Variants in HMCN2 observed in about 807,000 individuals in gnomAD.
HMCN2 encodes the protein hemicentin 2.
Under a neutral mutation model 377.5 loss-of-function variants are expected in HMCN2, and 325 were observed. The observed-to-expected ratio is 0.86, with a 90% CI of 0.79 to 0.94. The LOEUF is 0.94. HMCN2 is among the 40% of genes least tolerant of loss of function. HMCN2 has a pLI of 0.00. For synonymous variants in HMCN2, 2,007 were observed against 2,046.8 expected (o/e 0.98, Z 0.53); for missense variants, 4,543 against 4,725.3 (o/e 0.96, Z 1.13).
At chr9:130,333,034 G>T (rs1419140178) in intron 22 of HMCN2, among the ~76,000 whole-genome samples, 1 of 152,194 alleles carries the variant, frequency 6.6e-6, no homozygotes, top group African/African-American at 2.4e-5. Context: ...TGGGGGGAGG[G>T]AGGGAGAGCA....
intron 37 of HMCN2, 126 bp downstream of exon 37, chr9:130,359,540 G>GT: frequency 2.6e-6 from 1 of 378,116 alleles, no homozygotes; most frequent in Non-Finnish European, 5.2e-6. Context: ...TTTCCCCCCC[G>GT]TTTCTCTCAT....
chr9:130,351,723 TC>T lies in HMCN2; in HGVS notation c.4585+147del. 3.7e-6 allele frequency: 2 copies of T among 535,990 alleles called. No individual in the cohort carries two copies. Among genetic ancestry groups the T allele is most frequent in the Non-Finnish European group, 5.6e-6 (2 of 354,952 alleles). The allele number at this position is 535,990 out of a possible 1,614,324, so 33.2% of individuals were successfully genotyped here. Reference sequence around the variant, plus strand: ...AGTCCAAGAAAGCTGGGGGCTGGGGTCGGGGTTGGGGTCAGGGTCAGGGGAT... The same window carrying T: ...AGTCCAAGAAAGCTGGGGGCTGGGGTGGGGTTGGGGTCAGGGTCAGGGGAT... On this transcript the variant is annotated intron_variant, in intron 30 of 97. Transcript: ENST00000683500. The surrounding 1 kb of genome is among the most constrained non-coding windows in gnomAD (Gnocchi z 5.4).
intron 25 of HMCN2, among the ~76,000 whole-genome samples, chr9:130,343,437 G>A (rs1839170528): frequency 6.6e-6 from 1 of 152,146 alleles, no homozygotes; most frequent in African/African-American, 2.4e-5. Context: ...AGCAGGGATG[G>A]CACCCACCTA....
Position 130,410,595 on chromosome 9 carries a change from T to A in HMCN2, c.12904T>A (p.Cys4302Ser). 6.4e-7 allele frequency: 1 copy of A among 1,550,574 alleles called. No individual in the cohort carries two copies. Among genetic ancestry groups the A allele is most frequent in the Non-Finnish European group, 8.7e-7 (1 of 1,146,990 alleles). ...GAGGGACGATGCGGGACGGTACCAG[T>A]GCCTGGCAGAGAATGAGATGGGCGT... ...TERDDAGRYQ[C>S]LAENEMGVAK... Residue 4302 changes from cysteine to serine, a missense_variant, in exon 85 of 98, where the codon TGC (cysteine) becomes AGC (serine). Around this residue, in one of 5 missense-constraint regions of HMCN2, gnomAD observed 1,155 missense variants for 1,157.7 expected, o/e 1.00. Transcript: ENST00000683500.
chr9:130,342,340 C>G lies in HMCN2; in HGVS notation c.3743-10C>G, dbSNP rs1407047970. On this transcript the variant is annotated splice_polypyrimidine_tract_variant and intron_variant, in intron 24 of 97. Coordinates refer to ENST00000683500, the MANE Select transcript of HMCN2 (RefSeq NM_001291815.2). ...CGAGGTAGGAGTGTGGCCATGTTGCCTCCCTACAGAGCCACCACACTGGGG... is the reference window on the plus strand; with the variant it reads ...CGAGGTAGGAGTGTGGCCATGTTGCGTCCCTACAGAGCCACCACACTGGGG... 2.0e-5 allele frequency: 3 copies of G among 152,278 alleles called. No homozygotes were observed. The highest frequency in any genetic ancestry group is 7.2e-5 in the African/African-American group (3 of 41,446). The allele number at this position is 152,278 out of a possible 1,614,324, so 9.4% of individuals were successfully genotyped here.
chr9:130,360,378 C>G lies in HMCN2; in HGVS notation c.5774-50C>G. 1 of 1,108,906 alleles carries G rather than the reference C, an allele frequency of 9.0e-7. No individual in the cohort carries two copies. Among genetic ancestry groups the G allele is most frequent in the Non-Finnish European group, 1.2e-6 (1 of 855,634 alleles). 68.7% of individuals were successfully genotyped at this position (1,108,906 alleles called of 1,614,324 possible). Reference sequence around the variant, plus strand: ...CCCCCTTACTTCTCTCTTCCATTCCCCCTTGCTTCTCTCTTCCTTTCCCCC... The same window carrying G: ...CCCCCTTACTTCTCTCTTCCATTCCGCCTTGCTTCTCTCTTCCTTTCCCCC... On this transcript the variant is annotated intron_variant, in intron 37 of 97. Coordinates refer to ENST00000683500, the MANE Select transcript of HMCN2 (RefSeq NM_001291815.2). The surrounding 1 kb of genome is among the most constrained non-coding windows in gnomAD (Gnocchi z 4.7).
intron 96 of HMCN2, among the ~76,000 whole-genome samples, chr9:130,432,006 G>A (rs1323681136): frequency 6.6e-6 from 1 of 152,238 alleles, no homozygotes. Flanking sequence ...TGCCTGCCCT[G>A]CCTGTCTCTG....
intron 22 of HMCN2, among the ~76,000 whole-genome samples, chr9:130,328,724 T>C (rs1838274285): frequency 6.6e-6 from 1 of 152,186 alleles, no homozygotes; most frequent in Admixed American, 6.5e-5. Context: ...GCTCCCTTCT[T>C]AGTCATGCAA....
chr9:130,285,118 G>C (rs781850149), intron 2 of HMCN2, 40 bp from the exon 3 acceptor site: 1 of 468,430 alleles, frequency 2.1e-6, no homozygotes, highest in Non-Finnish European at 4.4e-6. Flanking sequence ...CCCATCTGGA[G>C]GAGGCAGGTG....
intron 43 of HMCN2, among the ~76,000 whole-genome samples, chr9:130,367,260 T>G (rs1041758748): frequency 6.6e-6 from 1 of 151,814 alleles, no homozygotes; most frequent in African/African-American, 2.4e-5. Context: ...CCTAGTGAGG[T>G]GTCAAGTGGA....
At chr9:130,419,338 G>T in intron 86 of HMCN2, 1 of 276,400 alleles carries the variant, frequency 3.6e-6, no homozygotes, top group Non-Finnish European at 6.7e-6. Flanking sequence ...AGCAGGCAGA[G>T]GAAGACAAGG....
chr9:130,294,384 T>G (rs1835991912), intron 4 of HMCN2, among the ~76,000 whole-genome samples: 1 of 152,340 alleles, frequency 6.6e-6, no homozygotes, highest in African/African-American at 2.4e-5. Context: ...GAAAGAGACC[T>G]GAAGTCTTTG....
At chr9:130,276,179 T>TC (rs555539913) in intron 1 of HMCN2, among the ~76,000 whole-genome samples, 491 of 151,702 alleles carry the variant, frequency 3.2e-3, no homozygotes, top group South Asian at 0.015. Flanking sequence ...TTCCTGGGGA[T>TC]CCCCCTGCAC....
At chr9:130,301,065 G>A (rs1554934220) in intron 8 of HMCN2, among the ~76,000 whole-genome samples, 1 of 152,260 alleles carries the variant, frequency 6.6e-6, no homozygotes, top group Non-Finnish European at 1.5e-5. Flanking sequence ...TGCAGGGAGG[G>A]GAAGAAGGGC....
chr9:130,299,532 C>A (rs1419751448), intron 8 of HMCN2, among the ~76,000 whole-genome samples: 1 of 124,694 alleles, frequency 8.0e-6, no homozygotes, highest in Non-Finnish European at 1.9e-5. Context: ...TCTACCCATT[C>A]ATCCATCCAT....
At position 130,384,391 on chromosome 9, in the gene HMCN2, G is replaced by C. The variant is rs938716356; in HGVS notation, c.8849G>C (p.Gly2950Ala). The change falls in exon 58 of 98, where the codon GGC becomes GCC. Residue 2950 changes from glycine (G) to alanine (A), a missense_variant. By Grantham distance (60) the Gly-to-Ala change is moderately conservative (BLOSUM62 0). Coordinates refer to ENST00000683500, the MANE Select transcript of HMCN2 (RefSeq NM_001291815.2). Reference sequence around the variant, plus strand: ...GGGATAGTCCCGCCACGAATCGCAGGCCTGGACTTGGAGCAGGTCACTGCC... The same window carrying C: ...GGGATAGTCCCGCCACGAATCGCAGCCCTGGACTTGGAGCAGGTCACTGCC... ...LRVQVPPRIA[G>A]LDLEQVTAIL... 28 of 1,301,346 alleles carry C rather than the reference G, an allele frequency of 2.2e-5. No homozygotes were observed. Among genetic ancestry groups the C allele is most frequent in the Non-Finnish European group, 2.7e-5 (27 of 987,692 alleles). The allele number at this position is 1,301,346 out of a possible 1,614,324, so 80.6% of individuals were successfully genotyped here.
chr9:130,312,510 TCCCTCC>T (rs1837303250), intron 15 of HMCN2, among the ~76,000 whole-genome samples: 1 of 10,462 alleles, frequency 9.6e-5, no homozygotes, highest in Non-Finnish European at 3.0e-4. Flanking sequence ...TTTCTGTCCC[TCCCTCC>T]CTCCCTCCCT....
rs1844166575 is a variant in HMCN2, at chr9:130,423,975, TTTC to T, written c.13382-795_13382-793del. Among the ~76,000 whole-genome samples the T allele has an allele frequency of 6.6e-6, 1 of 151,780 alleles. No individual in the cohort carries two copies. Among genetic ancestry groups the T allele is most frequent in the African/African-American group, 2.4e-5 (1 of 41,274 alleles). ...AATATCAACAAGGTACATGCATTTA[TTTC>T]TTCTTTTTTTTTTCTTTTTGAGACT... On this transcript the variant is annotated intron_variant, in intron 87 of 97. Coordinates refer to ENST00000683500, the MANE Select transcript of HMCN2 (RefSeq NM_001291815.2). This position sits in a 1 kb window ranked among gnomAD's most constrained non-coding sequence, Gnocchi z 5.5.
chr9:130,428,298 G>T lies in HMCN2; in HGVS notation c.14066-60G>T. 8.2e-6 allele frequency: 12 copies of T among 1,469,828 alleles called. No homozygotes were observed. Among genetic ancestry groups the T allele is most frequent in the Non-Finnish European group, 1.1e-5 (12 of 1,104,470 alleles). The allele number at this position is 1,469,828 out of a possible 1,614,324, so 91.0% of individuals were successfully genotyped here. The stretch of plus-strand genomic sequence containing the variant: ...CTGTGGATAGGCCGGGCCAGGGTCA[G>T]GTGGCGAGGCACGCCTGGGGATCAT... On this transcript the variant is annotated intron_variant, in intron 92 of 97. Coordinates refer to ENST00000683500, the MANE Select transcript of HMCN2 (RefSeq NM_001291815.2). This position sits in a 1 kb window ranked among gnomAD's most constrained non-coding sequence, Gnocchi z 5.0.
Sources: gnomAD v4.1 joint callset for allele counts (sites outside exome capture counted in the v4.1 genomes callset) on GRCh38, gnomAD v4.1.1 for gene constraint, gnomAD v4.1.1 regional missense constraint, Gnocchi (gnomAD v3.1) non-coding constraint, MANE v1.5 for transcripts, NCBI Gene and HGNC (gene_info 2026-07-23, HGNC 2026-07-21) for gene names.